SMARCA2: variants seen among roughly 807,000 people sequenced by gnomAD.
The protein encoded by SMARCA2 is SWI/SNF-related matrix-associated actin-dependent regulator of chromatin subfamily A member 2.
Under a neutral mutation model 199.8 loss-of-function variants are expected in SMARCA2, and 61 were observed. The ratio of observed to expected loss-of-function variants is 0.31; its 90% confidence interval spans 0.25 to 0.38. The LOEUF (loss-of-function observed/expected upper bound fraction) is 0.38, where lower values mean the gene tolerates loss of function less well. SMARCA2 is among the 10% of genes least tolerant of loss of function. The pLI, the probability that SMARCA2 is intolerant of heterozygous loss-of-function variation, is 1.00. For synonymous variants in SMARCA2, 935 were observed against 732.0 expected (o/e 1.28, Z -4.48); for missense variants, 1,344 against 2,012.2 (o/e 0.67, Z 6.35).
At chr9:2,183,720 G>A (rs899574395) in intron 31 of SMARCA2, among the ~76,000 whole-genome samples, 1 of 152,132 alleles carries the variant, frequency 6.6e-6, no homozygotes, top group Admixed American at 6.5e-5. Flanking sequence ...ACCAAAACAG[G>A]AGGTCTTGAA....
intron 27 of SMARCA2, among the ~76,000 whole-genome samples, chr9:2,129,949 A>G (rs10964909): frequency 0.18 from 27,917 of 151,900 alleles, 3,573 homozygotes; most frequent in East Asian, 0.44. Flanking sequence ...GACCTCCCAG[A>G]CTCAAGCAAT....
chr9:2,039,764 ACAGCAGCAG>A lies in SMARCA2; in HGVS notation c.657_665del (p.Gln236_Gln238del), dbSNP rs965958227. 1 of 1,610,416 alleles carries A rather than the reference ACAGCAGCAG, an allele frequency of 6.2e-7. No homozygotes were observed. Among genetic ancestry groups the A allele is most frequent in the Middle Eastern group, 1.7e-4 (1 of 5,964 alleles). On this transcript the variant is annotated inframe_deletion, in exon 4 of 34. Transcript: ENST00000349721. The surrounding 1 kb of genome is among the most constrained non-coding windows in gnomAD (Gnocchi z 4.8). Reference sequence around the variant, plus strand: ...GGACGTTGCCTGGCTTGCAGCAACAACAGCAGCAGCAACAGCAGCAGCAGCAGCAGCAGC... The same window carrying A: ...GGACGTTGCCTGGCTTGCAGCAACAACAACAGCAGCAGCAGCAGCAGCAGC...
At chr9:2,047,584 T>C (rs2130294940) in intron 5 of SMARCA2, 100 bp downstream of exon 5, 1 of 1,179,178 alleles carries the variant, frequency 8.5e-7, no homozygotes, top group Non-Finnish European at 1.1e-6. Flanking sequence ...GGCCAAACTG[T>C]GATTTTCACC....
intron 32 of SMARCA2, among the ~76,000 whole-genome samples, chr9:2,189,661 C>G (rs548702532): frequency 7.9e-5 from 12 of 151,934 alleles, no homozygotes; most frequent in Non-Finnish European, 1.6e-4. Flanking sequence ...TTACTCCACC[C>G]AAAGCAAAGG....
chr9:2,116,293 G>T (rs1052952349), intron 25 of SMARCA2, among the ~76,000 whole-genome samples: 1 of 152,322 alleles, frequency 6.6e-6, no homozygotes, highest in East Asian at 1.9e-4. Flanking sequence ...TTTTCCCAGG[G>T]TGGTAAAACC....
At chr9:2,048,506 T>C (rs1003391007) in intron 5 of SMARCA2, among the ~76,000 whole-genome samples, 2 of 152,210 alleles carry the variant, frequency 1.3e-5, no homozygotes, top group African/African-American at 4.8e-5. Context: ...TTAAAAATTA[T>C]AGAGAATGTT....
rs200407235 is a variant in SMARCA2 at position 2,161,950 on chromosome 9, G to A, written c.4199+47G>A. On this transcript the variant is annotated intron_variant, in intron 28 of 33. Coordinates refer to ENST00000349721, the MANE Select transcript of SMARCA2 (RefSeq NM_003070.5). The surrounding 1 kb of genome is among the most constrained non-coding windows in gnomAD (Gnocchi z 4.7). Reference sequence around the variant, plus strand: ...CTTGATCATCTCTCACCAAGACGCCGAGTGGCGCTCCCTGAGGAGCAGGAG... The same window carrying A: ...CTTGATCATCTCTCACCAAGACGCCAAGTGGCGCTCCCTGAGGAGCAGGAG... The A allele has an allele frequency of 2.7e-5, 40 of 1,483,064 alleles. No individual in the cohort carries two copies. The highest frequency in any genetic ancestry group is 1.7e-4 in the Middle Eastern group (1 of 5,776). 91.9% of individuals were successfully genotyped at this position (1,483,064 alleles called of 1,614,324 possible). A position where few individuals can be genotyped will look rare whatever the true frequency, so the allele number is the denominator to read the frequency against.
intron 3 of SMARCA2, among the ~76,000 whole-genome samples, chr9:2,033,918 G>T (rs1221856898): frequency 1.3e-5 from 2 of 152,128 alleles, no homozygotes; most frequent in Admixed American, 6.5e-5. Context: ...CCCTAATGCA[G>T]TATGGCCTCA....
In SMARCA2 at chr9:2,111,491, CAA is replaced by C. The variant is rs148112929; in HGVS notation, c.3456+1092_3456+1093del. On this transcript the variant is annotated intron_variant, in intron 24 of 33. Coordinates refer to ENST00000349721, the MANE Select transcript of SMARCA2 (RefSeq NM_003070.5). Reference sequence around the variant, plus strand: ...CGGGCGACAAAGCAAGACCGTGTCTCAAAAAAAAAAAAAAAAAAAGAAAAGCA... The same window carrying C: ...CGGGCGACAAAGCAAGACCGTGTCTCAAAAAAAAAAAAAAAAAGAAAAGCA... Among the ~76,000 whole-genome samples the C allele has an allele frequency of 5.9e-4, 51 of 86,976 alleles. No individual in the cohort carries two copies. In the East Asian group the frequency reaches 6.3e-3, roughly 11 times the overall value. 57.1% of individuals were successfully genotyped at this position (86,976 alleles called of 152,430 possible).
chr9:2,180,959 G>C (rs74399479), intron 29 of SMARCA2, among the ~76,000 whole-genome samples: 2,190 of 152,230 alleles, frequency 0.014, 51 homozygotes, highest in African/African-American at 0.05. Context: ...AGTTAGGCAA[G>C]ATGAAGGGGT....
At chr9:2,117,971 T>C (rs1823283555) in intron 25 of SMARCA2, among the ~76,000 whole-genome samples, 1 of 152,220 alleles carries the variant, frequency 6.6e-6, no homozygotes, top group African/African-American at 2.4e-5. Context: ...GATGCGACCA[T>C]GAAGTGCTGG....
chr9:2,058,276 T>C lies in SMARCA2; in HGVS notation c.1348-15T>C. ...GATTTTAAGTATCCTTTTCTTCCCT[T>C]TTTGGATCTTCTAGGAATACCTGAA... On this transcript the variant is annotated splice_polypyrimidine_tract_variant and intron_variant, in intron 7 of 33. Coordinates refer to ENST00000349721, the MANE Select transcript of SMARCA2 (RefSeq NM_003070.5). The C allele has an allele frequency of 6.2e-7, 1 of 1,611,906 alleles. No homozygotes were observed. The highest frequency in any genetic ancestry group is 8.5e-7 in the Non-Finnish European group (1 of 1,178,186).
At chr9:2,032,595 C>T (rs1241103179) in intron 2 of SMARCA2, 3 of 164,396 alleles carry the variant, frequency 1.8e-5, no homozygotes, top group Admixed American at 1.3e-4. Context: ...TTCCTTCAGA[C>T]TTCAGACTAA....
At chr9:2,101,649 A>G (rs752366445) in intron 22 of SMARCA2, 33 bp downstream of exon 22, 2 of 1,217,080 alleles carry the variant, frequency 1.6e-6, no homozygotes, top group Admixed American at 3.7e-5. Flanking sequence ...TTTTAAAAAA[A>G]AATGTTGTTG....
At chr9:2,142,895 T>G (rs1824532987) in intron 27 of SMARCA2, among the ~76,000 whole-genome samples, 2 of 152,194 alleles carry the variant, frequency 1.3e-5, no homozygotes, top group Non-Finnish European at 2.9e-5. Flanking sequence ...CTTAATTGTA[T>G]CTCACCAACA....
intron 9 of SMARCA2, 86 bp downstream of exon 9, chr9:2,061,072 T>C: frequency 1.6e-6 from 2 of 1,247,906 alleles, no homozygotes; most frequent in Non-Finnish European, 2.2e-6. Context: ...TAAGTACTAC[T>C]TCTTACACTG....
intron 21 of SMARCA2, among the ~76,000 whole-genome samples, chr9:2,097,917 A>C (rs113413706): frequency 4.6e-5 from 7 of 152,364 alleles, no homozygotes; most frequent in African/African-American, 1.7e-4. Context: ...TTTGTAAAAG[A>C]CACTGGCTTT....
At chr9:2,094,393 C>G (rs977650654) in intron 19 of SMARCA2, among the ~76,000 whole-genome samples, 2 of 152,228 alleles carry the variant, frequency 1.3e-5, no homozygotes, top group Non-Finnish European at 2.9e-5. Flanking sequence ...GCTTTCCAAA[C>G]TCCTTCACCT....
At chr9:2,095,402 A>AT (rs953523483) in intron 19 of SMARCA2, among the ~76,000 whole-genome samples, 2 of 152,104 alleles carry the variant, frequency 1.3e-5, no homozygotes, top group African/African-American at 4.8e-5. Context: ...GAAAATTTTC[A>AT]TAAAAAAAAA....
Sources: gnomAD v4.1 joint callset for allele counts (sites outside exome capture counted in the v4.1 genomes callset) on GRCh38, gnomAD v4.1.1 for gene constraint, Gnocchi (gnomAD v3.1) non-coding constraint, MANE v1.5 for transcripts, NCBI Gene and HGNC (gene_info 2026-07-23, HGNC 2026-07-21) for gene names.